The following WDPCP variants were observed in gnomAD, a reference collection of about 807,000 sequenced individuals.
WDPCP encodes WD repeat containing planar cell polarity effector.
A neutral mutation model predicts 93.1 loss-of-function variants in WDPCP; 71 were observed. The ratio of observed to expected loss-of-function variants is 0.76; its 90% confidence interval spans 0.63 to 0.93. The LOEUF (loss-of-function observed/expected upper bound fraction) is 0.93. Ranked by LOEUF, WDPCP falls within the 40% of genes least tolerant of loss-of-function variation. WDPCP has a pLI of 0.00. For missense variants in WDPCP, 844 were observed against 887.4 expected, an observed-to-expected ratio of 0.95 and a Z score of 0.62; for synonymous variants, 315 against 315.0, an observed-to-expected ratio of 1.00 and a Z score of 0.00.
chr2:63,594,172 T>C, intron 3 of WDPCP: 1 of 495,272 alleles, frequency 2.0e-6, no homozygotes, highest in Non-Finnish European at 4.0e-6. Flanking sequence ...CTCTAGTGGC[T>C]GCCAGGGTTT....
At chr2:63,131,833 C>CTTTTTTTT (rs55670342) in intron 17 of WDPCP, among the ~76,000 whole-genome samples, 3 of 107,720 alleles carry the variant, frequency 2.8e-5, no homozygotes, top group Non-Finnish European at 3.8e-5. Context: ...ATACAGTATT[C>CTTTTTTTT]TTTTTTTTTT....
At chr2:63,570,686 AT>A (rs1027968859) in intron 1 of WDPCP, among the ~76,000 whole-genome samples, 43 of 152,346 alleles carry the variant, frequency 2.8e-4, no homozygotes, top group African/African-American at 1.0e-3. Context: ...AGAGATGGGA[AT>A]TAAATGTTTC....
intron 3 of WDPCP, among the ~76,000 whole-genome samples, chr2:63,624,470 T>C (rs939484957): frequency 1.1e-4 from 17 of 151,668 alleles, no homozygotes; most frequent in African/African-American, 4.1e-4. Flanking sequence ...AAGAATCAAA[T>C]AGACACAATA....
chr2:63,595,666 T>C (rs1212416108), intron 3 of WDPCP: 7 of 620,864 alleles, frequency 1.1e-5, no homozygotes, highest in Middle Eastern at 4.0e-4. Context: ...TAACTACTTA[T>C]GTATACCAAG....
intron 10 of WDPCP, among the ~76,000 whole-genome samples, 176 bp from the exon 11 acceptor site, chr2:63,382,270 C>T (rs1250156787): frequency 6.6e-6 from 1 of 152,070 alleles, no homozygotes; most frequent in African/African-American, 2.4e-5. Context: ...ACAACAAAAA[C>T]ACATCTGTTG....
intron 2 of WDPCP, among the ~76,000 whole-genome samples, chr2:63,789,168 C>T (rs938521910): frequency 6.6e-6 from 1 of 152,034 alleles, no homozygotes; most frequent in African/African-American, 2.4e-5. Flanking sequence ...AGAGATGTGC[C>T]AGATAAGTCA....
chr2:63,393,444 T>C (rs1219521543), intron 10 of WDPCP, among the ~76,000 whole-genome samples: 1 of 151,998 alleles, frequency 6.6e-6, no homozygotes, highest in African/African-American at 2.4e-5. Context: ...AAATGACTAG[T>C]TGATCAGTAA....
intron 2 of WDPCP, among the ~76,000 whole-genome samples, chr2:63,763,662 C>CA: frequency 6.6e-6 from 1 of 151,914 alleles, no homozygotes; most frequent in Non-Finnish European, 1.5e-5. Context: ...AAATGTAGCA[C>CA]AAAAAAGTGT....
intron 3 of WDPCP, among the ~76,000 whole-genome samples, chr2:63,621,003 C>G (rs1315733630): frequency 3.3e-5 from 5 of 152,106 alleles, no homozygotes. Flanking sequence ...ACACCAAAAC[C>G]CCATCCGAAG....
chr2:63,359,782 T>TA (rs1301190617), intron 12 of WDPCP: 7 of 152,176 alleles, frequency 4.6e-5, no homozygotes, highest in African/African-American at 1.7e-4. Context: ...CCATGATTTT[T>TA]AAAAATTGTA....
chr2:63,494,919 CA>C (rs34227025), intron 1 of WDPCP, among the ~76,000 whole-genome samples: 19,541 of 69,520 alleles, frequency 0.28, 660 homozygotes, highest in Non-Finnish European at 0.33. Flanking sequence ...GACTCCGTCT[CA>C]AAAAAAAAAA....
chr2:63,395,482 GT>G (rs1174850715), intron 10 of WDPCP, among the ~76,000 whole-genome samples: 3 of 152,160 alleles, frequency 2.0e-5, no homozygotes, highest in African/African-American at 7.2e-5. Context: ...AGAATGTGCA[GT>G]TTTTGACTTT....
At chr2:63,240,197 TAGAC>T in intron 14 of WDPCP, among the ~76,000 whole-genome samples, 1 of 152,170 alleles carries the variant, frequency 6.6e-6, no homozygotes, top group Non-Finnish European at 1.5e-5. Context: ...TTGTTTTTTA[TAGAC>T]AGGGTCTCGC....
intron 12 of WDPCP, among the ~76,000 whole-genome samples, chr2:63,346,596 G>A (rs1403893658): frequency 6.6e-6 from 1 of 152,168 alleles, no homozygotes; most frequent in East Asian, 1.9e-4. Flanking sequence ...ACATGGAACT[G>A]CCTGTTATTG....
intron 2 of WDPCP, among the ~76,000 whole-genome samples, chr2:63,676,264 A>G (rs1710402580): frequency 6.6e-6 from 1 of 152,232 alleles, no homozygotes; most frequent in African/African-American, 2.4e-5. Context: ...TTTCAAGGCA[A>G]TTGCTAATTC....
At chr2:63,387,096 C>CA (rs1487138280) in intron 10 of WDPCP, among the ~76,000 whole-genome samples, 2 of 151,822 alleles carry the variant, frequency 1.3e-5, no homozygotes, top group Admixed American at 1.3e-4. Context: ...GAAACTATTC[C>CA]AAAAAAATGA....
intron 12 of WDPCP, among the ~76,000 whole-genome samples, chr2:63,340,071 G>T (rs1465677158): frequency 6.6e-6 from 1 of 152,106 alleles, no homozygotes; most frequent in Non-Finnish European, 1.5e-5. Flanking sequence ...TTTCTTACGG[G>T]TATACATCTA....
At chr2:63,466,070 T>C (rs1699330061) in intron 6 of WDPCP, among the ~76,000 whole-genome samples, 1 of 152,092 alleles carries the variant, frequency 6.6e-6, no homozygotes, top group South Asian at 2.1e-4. Context: ...TGTTCTATTA[T>C]GGGAGAAGGA....
intron 1 of WDPCP, among the ~76,000 whole-genome samples, chr2:63,522,566 G>C (rs148541968): frequency 3.0e-4 from 45 of 151,328 alleles, no homozygotes; most frequent in African/African-American, 1.1e-3. Flanking sequence ...TAGACCACTA[G>C]CTAGACTAAT....
Sources: allele counts gnomAD v4.1 joint callset (sites outside exome capture counted in the v4.1 genomes callset), GRCh38; gene constraint gnomAD v4.1.1; transcripts MANE v1.5; gene names NCBI Gene and HGNC (gene_info 2026-07-23, HGNC 2026-07-21).